The following ASIP variants were observed in gnomAD, a reference collection of about 807,000 sequenced individuals.
The protein encoded by ASIP is agouti signaling protein.
ASIP carries 11 observed loss-of-function variants against 10.3 expected under a neutral mutation model. That is an observed-to-expected ratio of 1.07 (90% CI 0.68 to 1.78). ASIP has a LOEUF of 1.78. ASIP is among the 40% of genes most tolerant of loss of function. The probability of loss-of-function intolerance (pLI) is 0.00; values close to 1 mark genes in which losing one functional copy is unlikely to be tolerated. For synonymous variants in ASIP, 70 were observed against 70.8 expected (o/e 0.99, Z 0.06); for missense variants, 180 against 169.2 (o/e 1.06, Z -0.35).
chr20:34,246,367 C>A, intron 1 of ASIP: 2 of 1,468,824 alleles, frequency 1.4e-6, no homozygotes, highest in Non-Finnish European at 1.9e-6. Flanking sequence ...TTAGAAAATT[C>A]TTCTCTAACC....
intron 1 of ASIP, among the ~76,000 whole-genome samples, chr20:34,259,764 C>A (rs2035656733): frequency 6.6e-6 from 1 of 151,660 alleles, no homozygotes; most frequent in Non-Finnish European, 1.5e-5. Flanking sequence ...AAAAAAAAAT[C>A]CAGCTAGCAA....
chr20:34,202,430 T>G (rs553153300), intron 1 of ASIP, among the ~76,000 whole-genome samples: 4 of 152,362 alleles, frequency 2.6e-5, no homozygotes, highest in South Asian at 2.1e-4. Flanking sequence ...ATTTTAAATT[T>G]TATTTACTTT....
At chr20:34,197,791 A>C (rs1442858077) in intron 1 of ASIP, among the ~76,000 whole-genome samples, 1 of 152,184 alleles carries the variant, frequency 6.6e-6, no homozygotes, top group African/African-American at 2.4e-5. Flanking sequence ...GCTGTAGTGC[A>C]CCAAGCTCAT....
the ASIP span, among the ~76,000 whole-genome samples, chr20:34,188,224 G>A: frequency 2.6e-5 from 4 of 152,310 alleles, no homozygotes; most frequent in Middle Eastern, 3.4e-3. Context: ...ACACAAAATC[G>A]TAAAGGAGGT....
intron 1 of ASIP, among the ~76,000 whole-genome samples, chr20:34,254,538 T>C (rs2035536894): frequency 6.6e-6 from 1 of 152,202 alleles, no homozygotes; most frequent in African/African-American, 2.4e-5. Context: ...AATCTGAACT[T>C]ACCTGAAGAC....
chr20:34,236,181 A>C (rs975019539), intron 1 of ASIP, among the ~76,000 whole-genome samples: 1 of 152,126 alleles, frequency 6.6e-6, no homozygotes, highest in African/African-American at 2.4e-5. Context: ...AGAAAGAAAG[A>C]AAAGGCTAAA....
intron 1 of ASIP, among the ~76,000 whole-genome samples, chr20:34,236,410 G>C (rs1349345432): frequency 1.3e-5 from 2 of 152,160 alleles, no homozygotes; most frequent in African/African-American, 4.8e-5. Context: ...CAGGCATGGT[G>C]GTGCGTGTCT....
intron 1 of ASIP, among the ~76,000 whole-genome samples, chr20:34,258,792 G>C (rs1481919042): frequency 4.8e-5 from 5 of 103,284 alleles, no homozygotes; most frequent in African/African-American, 1.8e-4. Flanking sequence ...TATATATAGT[G>C]TATATATAAT....
chr20:34,216,858 T>C lies in ASIP; in HGVS notation c.-11+22098T>C, dbSNP rs552009039. 2.3e-4 allele frequency among the ~76,000 whole-genome samples: 35 copies of C among 152,356 alleles called. 1 individual carries two copies. In the South Asian group the frequency reaches 6.8e-3, roughly 30 times the overall value. ...TAAATTTGTTCTTTTTTCAATATTG[T>C]TTTGATTATTCTAGGTCCTTTGCAT... On this transcript the variant is annotated intron_variant, in intron 1 of 3. Transcript: ENST00000568305.
intron 1 of ASIP, chr20:34,215,539 G>A (rs1356429910): frequency 6.6e-7 from 1 of 1,512,976 alleles, no homozygotes; most frequent in Non-Finnish European, 9.2e-7. Context: ...GCCACTTAGT[G>A]AGATATTCTG....
chr20:34,246,529 A>T, intron 1 of ASIP: 2 of 1,119,172 alleles, frequency 1.8e-6, no homozygotes, highest in Non-Finnish European at 2.7e-6. Flanking sequence ...TGGATTCAGA[A>T]ATCTCAGCTC....
intron 1 of ASIP, chr20:34,246,160 C>T: frequency 9.7e-7 from 1 of 1,035,624 alleles, no homozygotes; most frequent in Non-Finnish European, 1.5e-6. Context: ...ACACTCTTGT[C>T]ACATGTTTCT....
chr20:34,209,043 G>T (rs559318322), intron 1 of ASIP, among the ~76,000 whole-genome samples: 22 of 152,242 alleles, frequency 1.4e-4, no homozygotes, highest in Non-Finnish European at 2.1e-4. Context: ...TAAGATCATA[G>T]TGTCTGCAAC....
chr20:34,224,669 C>G lies in ASIP; in HGVS notation c.-11+29909C>G, dbSNP rs1233765826. On this transcript the variant is annotated intron_variant, in intron 1 of 3. Coordinates refer to the ASIP transcript ENST00000568305. ...AGCCAAAGAGGACTCCTAGGATTGT[C>G]TCACCAGGACTTCTGAGGCGACTCT... 4.0e-5 allele frequency among the ~76,000 whole-genome samples: 6 copies of G among 151,208 alleles called. No individual in the cohort carries two copies. The East Asian group carries it at 1.2e-3, about 29-fold the overall frequency.
At chr20:34,239,419 G>A (rs2035254406), upstream of ASIP, among the ~76,000 whole-genome samples, 1 of 152,136 alleles carries the variant, frequency 6.6e-6, no homozygotes, top group Admixed American at 6.5e-5. Context: ...GTATCACCAT[G>A]TTGGCCAGGC....
At chr20:34,205,284 C>T (rs1027089886) in intron 1 of ASIP, among the ~76,000 whole-genome samples, 1 of 152,012 alleles carries the variant, frequency 6.6e-6, no homozygotes, top group Non-Finnish European at 1.5e-5. Context: ...TTAAAGGCAT[C>T]ACGTCCAGAG....
chr20:34,259,272 A>C (rs2035647813), intron 1 of ASIP, among the ~76,000 whole-genome samples: 1 of 151,790 alleles, frequency 6.6e-6, no homozygotes, highest in Non-Finnish European at 1.5e-5. Context: ...GGCCAGGTGC[A>C]GTGGCAGTGG....
intron 1 of ASIP, among the ~76,000 whole-genome samples, chr20:34,252,650 A>G (rs1029811369): frequency 6.6e-6 from 1 of 152,172 alleles, no homozygotes; most frequent in African/African-American, 2.4e-5. Context: ...CTCAACTGCA[A>G]AGAGGCCTCC....
intron 1 of ASIP, chr20:34,215,400 C>G: frequency 6.4e-7 from 1 of 1,557,844 alleles, no homozygotes; most frequent in Non-Finnish European, 8.9e-7. Flanking sequence ...TCCTGTGAGC[C>G]TCCTCTGATG....
Sources: allele counts gnomAD v4.1 joint callset (sites outside exome capture counted in the v4.1 genomes callset), GRCh38; gene constraint gnomAD v4.1.1; transcripts MANE v1.5; gene names NCBI Gene and HGNC (gene_info 2026-07-23, HGNC 2026-07-21).